GABBR2: variants seen among roughly 807,000 people sequenced by gnomAD.
GABBR2 encodes gamma-aminobutyric acid type B receptor subunit 2.
A neutral mutation model predicts 105.6 loss-of-function variants in GABBR2; 23 were observed. That is an observed-to-expected ratio of 0.22 (90% CI 0.16 to 0.31). The LOEUF (loss-of-function observed/expected upper bound fraction) is 0.31, where lower values mean the gene tolerates loss of function less well. Among genes scored for constraint, GABBR2 ranks in the 10% least tolerant of loss-of-function variants. GABBR2 has a pLI of 1.00. For missense variants in GABBR2, 734 were observed against 1,245.5 expected, an observed-to-expected ratio of 0.59 and a Z score of 6.18; for synonymous variants, 478 against 499.7, an observed-to-expected ratio of 0.96 and a Z score of 0.58.
intron 1 of GABBR2, 117 bp from the exon 2 acceptor site, chr9:98,578,189 G>T: frequency 8.6e-7 from 1 of 1,159,242 alleles, no homozygotes; most frequent in Non-Finnish European, 1.3e-6. Context: ...GTTCTCCCAT[G>T]GTGGGGAGTC....
intron 1 of GABBR2, among the ~76,000 whole-genome samples, chr9:98,641,129 G>GTTTTTTTTTTTT (rs34931575): frequency 1.6e-5 from 2 of 125,238 alleles, no homozygotes; most frequent in African/African-American, 2.9e-5. Flanking sequence ...CTGTGGTTTG[G>GTTTTTTTTTTTT]TTTTTTTTTT....
chr9:98,520,452 C>T (rs1170866340), intron 3 of GABBR2, among the ~76,000 whole-genome samples: 7 of 151,478 alleles, frequency 4.6e-5, no homozygotes, highest in Non-Finnish European at 7.4e-5. Flanking sequence ...TGACTCCCCA[C>T]GGAGGGTAGG....
chr9:98,671,566 C>T (rs1017255698), intron 1 of GABBR2, among the ~76,000 whole-genome samples: 3 of 152,104 alleles, frequency 2.0e-5, no homozygotes, highest in East Asian at 1.9e-4. Context: ...ATCATTTAAG[C>T]GACTGCCAGA....
chr9:98,385,885 G>T, intron 10 of GABBR2, 113 bp from the exon 11 acceptor site: 1 of 817,740 alleles, frequency 1.2e-6, no homozygotes, highest in Non-Finnish European at 2.0e-6. Flanking sequence ...CTAGAGGGGA[G>T]AGAGAGAAAC....
intron 1 of GABBR2, among the ~76,000 whole-genome samples, chr9:98,601,957 C>T (rs529281766): frequency 6.6e-6 from 1 of 152,272 alleles, no homozygotes; most frequent in African/African-American, 2.4e-5. Flanking sequence ...AGCTGAGTTG[C>T]TGAGTTGGTT....
rs373848508 is a variant in GABBR2 at position 98,423,430 on chromosome 9, A to T, written c.1237-17289T>A. Among the ~76,000 whole-genome samples, 1,226 of 152,014 alleles carry T rather than the reference A, an allele frequency of 8.1e-3. 17 individuals are homozygous for T. Among genetic ancestry groups the T allele is most frequent in the East Asian group, 0.025 (128 of 5,170 alleles). ...TTCTTTTGAGAAGTGTCTGTTCATA[A>T]CCTTTGCCCACTTTTTGATGGGGTT... On this transcript the variant is annotated intron_variant, in intron 7 of 18. Transcript: ENST00000259455.
rs1026022583 is a variant in GABBR2 at position 98,708,713 on chromosome 9, G to C, written c.25C>G (p.Gln9Glu). 1.2e-5 allele frequency: 12 copies of C among 996,792 alleles called. No homozygotes were observed. The highest frequency in any genetic ancestry group is 1.3e-5 in the Non-Finnish European group (11 of 839,768). 61.7% of individuals were successfully genotyped at this position (996,792 alleles called of 1,614,324 possible). ...GGCGGCGGCGGCGGCGGCCCGGGCT[G>C]CCCGGAGCTCCGCGGGGAAGCCATG... Reference protein sequence around the residue: MASPRSSGQPGPPPPPPPP... With the variant: MASPRSSGEPGPPPPPPPP... The change falls in exon 1 of 19, where the codon CAG becomes GAG. Residue 9 changes from glutamine to glutamate, a missense_variant. Transcript: ENST00000259455.
intron 8 of GABBR2, among the ~76,000 whole-genome samples, chr9:98,395,397 G>A (rs988782435): frequency 6.6e-6 from 1 of 152,184 alleles, no homozygotes; most frequent in Non-Finnish European, 1.5e-5. Context: ...TGAGTCTAGA[G>A]CTGAGGGGAG....
chr9:98,677,550 T>A (rs982768667), intron 1 of GABBR2, among the ~76,000 whole-genome samples: 3 of 152,152 alleles, frequency 2.0e-5, no homozygotes, highest in South Asian at 2.1e-4. Flanking sequence ...TTTTGAGAAA[T>A]GAACCAAAAA....
At chr9:98,294,075 T>C (rs1479861022) in intron 17 of GABBR2, among the ~76,000 whole-genome samples, 173 bp from the exon 18 acceptor site, 3 of 152,176 alleles carry the variant, frequency 2.0e-5, no homozygotes, top group African/African-American at 7.2e-5. Flanking sequence ...ACCAAGGCGG[T>C]GAGCTGAGAA....
At chr9:98,687,375 C>T (rs148530662) in intron 1 of GABBR2, among the ~76,000 whole-genome samples, 21 of 152,050 alleles carry the variant, frequency 1.4e-4, no homozygotes, top group South Asian at 2.1e-4. Flanking sequence ...TTGTGAAGGA[C>T]GAGGAATTTG....
intron 1 of GABBR2, among the ~76,000 whole-genome samples, chr9:98,656,691 A>G (rs1370816773): frequency 1.3e-5 from 2 of 152,228 alleles, no homozygotes; most frequent in Non-Finnish European, 2.9e-5. Flanking sequence ...AAGAACAGTG[A>G]GCCAGTTACC....
chr9:98,492,429 C>T (rs897964777), intron 4 of GABBR2, among the ~76,000 whole-genome samples: 1 of 134,800 alleles, frequency 7.4e-6, no homozygotes, highest in Non-Finnish European at 1.5e-5. Flanking sequence ...AGTTCCCATA[C>T]AACCCCTCAT....
At chr9:98,318,891 T>TTTGTGTG (rs1830768319) in intron 13 of GABBR2, among the ~76,000 whole-genome samples, 1 of 148,288 alleles carries the variant, frequency 6.7e-6, no homozygotes, top group Non-Finnish European at 1.5e-5. Flanking sequence ...AAATGTGAGT[T>TTTGTGTG]TGTGTGTGTG....
chr9:98,490,358 G>C (rs887931013), intron 4 of GABBR2, among the ~76,000 whole-genome samples: 2 of 152,200 alleles, frequency 1.3e-5, no homozygotes, highest in African/African-American at 2.4e-5. Context: ...GTAGGGCATA[G>C]GGTTCCTGAT....
intron 6 of GABBR2, among the ~76,000 whole-genome samples, chr9:98,469,579 T>C (rs568901978): frequency 1.2e-3 from 189 of 152,332 alleles, no homozygotes; most frequent in African/African-American, 4.4e-3. Context: ...CACCTGTCGT[T>C]GGTTTAGGGC....
At chr9:98,696,508 G>T (rs1830754164) in intron 1 of GABBR2, among the ~76,000 whole-genome samples, 1 of 152,150 alleles carries the variant, frequency 6.6e-6, no homozygotes, top group Non-Finnish European at 1.5e-5. Flanking sequence ...GTACCTGGGG[G>T]TGCCCATCCA....
At chr9:98,421,550 A>C (rs1459029814) in intron 7 of GABBR2, among the ~76,000 whole-genome samples, 1 of 152,240 alleles carries the variant, frequency 6.6e-6, no homozygotes, top group Non-Finnish European at 1.5e-5. Context: ...CTAACTGCTT[A>C]GAAACTTGTA....
At chr9:98,327,192 A>C (rs1000816781) in intron 13 of GABBR2, among the ~76,000 whole-genome samples, 1 of 152,238 alleles carries the variant, frequency 6.6e-6, no homozygotes, top group African/African-American at 2.4e-5. Context: ...AGCTTGAAGT[A>C]AAATGGAAAG....
Sources: allele counts gnomAD v4.1 joint callset (sites outside exome capture counted in the v4.1 genomes callset), GRCh38; gene constraint gnomAD v4.1.1; transcripts MANE v1.5; gene names NCBI Gene and HGNC (gene_info 2026-07-23, HGNC 2026-07-21).